The following SEC23IP variants were observed in gnomAD, a reference collection of about 807,000 sequenced individuals.
SEC23IP encodes SEC23-interacting protein.
Under a neutral mutation model 113.4 loss-of-function variants are expected in SEC23IP, and 70 were observed. The observed-to-expected ratio is 0.62, with a 90% confidence interval of 0.51 to 0.75. The LOEUF is 0.75. Among genes scored for constraint, SEC23IP ranks in the 30% least tolerant of loss-of-function variants. The probability of loss-of-function intolerance (pLI) is 0.00; values close to 1 mark genes in which losing one functional copy is unlikely to be tolerated. For synonymous variants in SEC23IP, 398 were observed against 421.0 expected, an observed-to-expected ratio of 0.95 and a Z score of 0.67; for missense variants, 1,160 against 1,204.9, an observed-to-expected ratio of 0.96 and a Z score of 0.55.
At chr10:119,921,695 A>G (rs1379628769) in intron 12 of SEC23IP, among the ~76,000 whole-genome samples, 1 of 152,254 alleles carries the variant, frequency 6.6e-6, no homozygotes, top group Non-Finnish European at 1.5e-5. Flanking sequence ...TAAAACTAGA[A>G]CAACTGGAAA....
chr10:119,909,927 T>C (rs897385505), intron 5 of SEC23IP, among the ~76,000 whole-genome samples: 12 of 152,226 alleles, frequency 7.9e-5, no homozygotes, highest in African/African-American at 2.9e-4. Context: ...AGTTTCTGTT[T>C]ATGGCAACAT....
In SEC23IP at chr10:119,943,288, A is replaced by G. The variant is rs766362379; in HGVS notation, c.*2723A>G. 1.3e-5 allele frequency: 2 copies of G among 152,194 alleles called. No homozygotes were observed. Among genetic ancestry groups the G allele is most frequent in the African/African-American group, 2.4e-5 (1 of 41,432 alleles). The allele number at this position is 152,194 out of a possible 1,614,324, so 9.4% of individuals were successfully genotyped here. ...GGGTCCTCAGAGGAGAGTGGATAGA[A>G]TTCAGTTCCTCTATGAGCTGGGGTG... On this transcript the variant is annotated 3_prime_UTR_variant, in exon 19 of 19. Coordinates refer to ENST00000369075, the MANE Select transcript of SEC23IP (RefSeq NM_007190.4).
At position 119,898,955 on chromosome 10, in the gene SEC23IP, C is replaced by T; in HGVS notation, c.692C>T (p.Pro231Leu). Reference protein sequence around the residue: ...QMYQMPPGSLPPVPSSVQSPA... With the variant: ...QMYQMPPGSLLPVPSSVQSPA... ...TACCAGATGCCTCCAGGATCTTTGC[C>T]ACCGGTATGGAGACATGATTTTGTG... The change falls in exon 2 of 19, where the codon CCA (proline) becomes CTA (leucine). Residue 231 changes from proline (P) to leucine (L), a missense_variant. Physicochemically the swap from Pro to Leu is moderately conservative, Grantham distance 98. Transcript: ENST00000369075. 2 of 1,580,004 alleles carry T rather than the reference C, an allele frequency of 1.3e-6. No homozygotes were observed. Among genetic ancestry groups the T allele is most frequent in the Non-Finnish European group, 8.6e-7 (1 of 1,169,086 alleles).
chr10:119,933,625 G>T, intron 17 of SEC23IP, 61 bp from the exon 18 acceptor site: 2 of 898,120 alleles, frequency 2.2e-6, no homozygotes, highest in Non-Finnish European at 3.7e-6. Context: ...TTCAACCATT[G>T]TGCATAGAAG....
intron 18 of SEC23IP, among the ~76,000 whole-genome samples, chr10:119,940,248 C>T (rs963627883): frequency 6.9e-6 from 1 of 145,912 alleles, no homozygotes; most frequent in Non-Finnish European, 1.5e-5. Flanking sequence ...AGTGCAGTGG[C>T]GTCATCTTGG....
intron 18 of SEC23IP, among the ~76,000 whole-genome samples, chr10:119,939,603 A>T (rs986517645): frequency 2.0e-5 from 3 of 152,192 alleles, no homozygotes; most frequent in Non-Finnish European, 4.4e-5. Flanking sequence ...TGAACCTGGG[A>T]GACTGAGGGT....
intron 5 of SEC23IP, among the ~76,000 whole-genome samples, chr10:119,911,539 A>AC (rs1454635417): frequency 6.6e-6 from 1 of 152,034 alleles, no homozygotes; most frequent in Admixed American, 6.6e-5. Flanking sequence ...GCAGTAGCAC[A>AC]AACACAGCTT....
chr10:119,936,427 C>T (rs1421260926), intron 18 of SEC23IP, among the ~76,000 whole-genome samples: 2 of 150,978 alleles, frequency 1.3e-5, no homozygotes, highest in South Asian at 2.1e-4. Flanking sequence ...GGTGTGATCT[C>T]ACCTACTTGG....
rs982021164 is a variant in SEC23IP at position 119,944,175 on chromosome 10, A to G, written c.*3610A>G. 8 of 152,284 alleles carry G rather than the reference A, an allele frequency of 5.3e-5. No individual in the cohort carries two copies. The highest frequency in any genetic ancestry group is 3.9e-4 in the Admixed American group (6 of 15,298). 9.4% of individuals were successfully genotyped at this position (152,284 alleles called of 1,614,324 possible). On this transcript the variant is annotated 3_prime_UTR_variant, in exon 19 of 19. Coordinates refer to ENST00000369075, the MANE Select transcript of SEC23IP (RefSeq NM_007190.4). ...ATTGGATCATGGGGGCTGTTTCCCC[A>G]TGCTGTTCTTGTGATAGTGAGGGAG...
chr10:119,898,783 G>C lies in SEC23IP; in HGVS notation c.520G>C (p.Gly174Arg), dbSNP rs1442457341. 1 of 1,614,114 alleles carries C rather than the reference G, an allele frequency of 6.2e-7. No individual in the cohort carries two copies. Residue 174 changes from glycine to arginine, a missense_variant, in exon 2 of 19, where the codon GGA becomes CGA. Transcript: ENST00000369075. ...PPSYFGNQPQ[G>R]IPQPGYNPYR... ...TTCATATTTTGGGAACCAACCCCAA[G>C]GAATTCCCCAACCAGGATACAATCC...
In SEC23IP at chr10:119,942,743, G is replaced by A. The variant is rs1258645286; in HGVS notation, c.*2178G>A. Reference sequence around the variant, plus strand: ...GTACTGATGAAGACACCCAGGCCTCGTCAGCTATGTTAACGTGCTGTATGA... The same window carrying A: ...GTACTGATGAAGACACCCAGGCCTCATCAGCTATGTTAACGTGCTGTATGA... On this transcript the variant is annotated 3_prime_UTR_variant, in exon 19 of 19. Coordinates refer to ENST00000369075, the MANE Select transcript of SEC23IP (RefSeq NM_007190.4). The A allele has an allele frequency of 4.6e-5, 7 of 152,312 alleles. No individual in the cohort carries two copies. The highest frequency in any genetic ancestry group is 2.1e-4 in the South Asian group (1 of 4,828). 9.4% of individuals were successfully genotyped at this position (152,312 alleles called of 1,614,324 possible). A position where few individuals can be genotyped will look rare whatever the true frequency, so the allele number is the denominator to read the frequency against.
rs958956749 is a variant in SEC23IP, at chr10:119,943,328, C to T, written c.*2763C>T. The stretch of plus-strand genomic sequence containing the variant: ...GAGCTGGGGTGCTGACATTGTGTTC[C>T]TGCTGTTGACTGTCCCTGCGGTGCA... On this transcript the variant is annotated 3_prime_UTR_variant, in exon 19 of 19. Transcript: ENST00000369075. The T allele has an allele frequency of 2.2e-4, 33 of 152,306 alleles. No individual in the cohort carries two copies. Among genetic ancestry groups the T allele is most frequent in the African/African-American group, 7.2e-4 (30 of 41,542 alleles). 9.4% of individuals were successfully genotyped at this position (152,306 alleles called of 1,614,324 possible).
chr10:119,919,883 G>GCTTA (rs1397668176), intron 11 of SEC23IP, among the ~76,000 whole-genome samples: 1 of 152,028 alleles, frequency 6.6e-6, no homozygotes, highest in Non-Finnish European at 1.5e-5. Flanking sequence ...TAGACAGAGG[G>GCTTA]CTTACTTCAT....
intron 12 of SEC23IP, among the ~76,000 whole-genome samples, chr10:119,922,240 G>T (rs1855272654): frequency 6.6e-6 from 1 of 152,060 alleles, no homozygotes; most frequent in African/African-American, 2.4e-5. Flanking sequence ...TTGAAGGAGG[G>T]GTAAGGTCAG....
rs761963897 is a variant in SEC23IP, at chr10:119,917,961, T to A, written c.1670T>A (p.Met557Lys). The part of the protein sequence containing the change: ...YCQTIVEKVG[M>K]EINHLHALFM... ...CAGACAATTGTGGAAAAAGTAGGAA[T>A]GGAGATAAACCATCTGCATGCACTC... The change falls in exon 9 of 19, where the codon ATG (methionine) becomes AAG (lysine). Residue 557 changes from methionine (M) to lysine (K), a missense_variant. Transcript: ENST00000369075. 1 of 1,614,100 alleles carries A rather than the reference T, an allele frequency of 6.2e-7. No individual in the cohort carries two copies. The highest frequency in any genetic ancestry group is 8.5e-7 in the Non-Finnish European group (1 of 1,179,954).
intron 11 of SEC23IP, among the ~76,000 whole-genome samples, chr10:119,919,812 T>G (rs1855187543): frequency 6.6e-6 from 1 of 152,176 alleles, no homozygotes; most frequent in African/African-American, 2.4e-5. Flanking sequence ...AAAAAAATTG[T>G]ATAACAGTAG....
chr10:119,921,021 C>T (rs770817620), intron 12 of SEC23IP, 37 bp downstream of exon 12: 23 of 1,414,998 alleles, frequency 1.6e-5, no homozygotes, highest in Non-Finnish European at 2.1e-5. Flanking sequence ...AACTAAAACT[C>T]ATGGTGTGAC....
intron 18 of SEC23IP, among the ~76,000 whole-genome samples, chr10:119,936,543 CAAAAAAAAAAAAA>C (rs35075710): frequency 1.3e-5 from 1 of 76,840 alleles, no homozygotes; most frequent in Non-Finnish European, 2.5e-5. Flanking sequence ...GATTCCGTCT[CAAAAAAAAAAAAA>C]AAAAAAAAGC....
At position 119,942,188 on chromosome 10, in the gene SEC23IP, A is replaced by G. The variant is rs1403169460; in HGVS notation, c.*1623A>G. The stretch of plus-strand genomic sequence containing the variant: ...GTGTCATTCAGCCTGTCTTCTGAGT[A>G]ATGGGCAGAGAAGGACCAGGGTTCG... On this transcript the variant is annotated 3_prime_UTR_variant, in exon 19 of 19. Transcript: ENST00000369075. 6.6e-6 allele frequency: 1 copy of G among 152,180 alleles called. No homozygotes were observed. Among genetic ancestry groups the G allele is most frequent in the Non-Finnish European group, 1.5e-5 (1 of 68,046 alleles). The allele number at this position is 152,180 out of a possible 1,614,324, so 9.4% of individuals were successfully genotyped here. A position where few individuals can be genotyped will look rare whatever the true frequency, so the allele number is the denominator to read the frequency against.
Sources: gnomAD v4.1 joint callset for allele counts (sites outside exome capture counted in the v4.1 genomes callset) on GRCh38, gnomAD v4.1.1 for gene constraint, MANE v1.5 for transcripts, NCBI Gene and HGNC (gene_info 2026-07-23, HGNC 2026-07-21) for gene names.